ZFR2: variants seen among roughly 807,000 people sequenced by gnomAD.
ZFR2 encodes the protein zinc finger RNA-binding protein 2.
A neutral mutation model predicts 105.7 loss-of-function variants in ZFR2; 104 were observed. That is an observed-to-expected ratio of 0.98 (90% CI 0.84 to 1.16). The LOEUF (loss-of-function observed/expected upper bound fraction) is 1.16. ZFR2 is among the 50% of genes most tolerant of loss of function. ZFR2 has a pLI of 0.00. For missense variants in ZFR2, 1,425 were observed against 1,355.5 expected (o/e 1.05, Z -0.80); for synonymous variants, 634 against 597.7 (o/e 1.06, Z -0.89).
In ZFR2 at chr19:3,816,763, T is replaced by C. The variant is rs2037829109; in HGVS notation, c.2014A>G (p.Arg672Gly). The change falls in exon 13 of 19, where the codon AGG (arginine) becomes GGG (glycine). Residue 672 changes from arginine (R) to glycine (G), a missense_variant. By Grantham distance (125) the Arg-to-Gly change is moderately radical. Coordinates refer to ENST00000262961, the MANE Select transcript of ZFR2 (RefSeq NM_015174.2). ...CAGAGCAGAGCGAGGCGCACGTTCC[T>C]GTCCCCACGCAGGAGGAGGCCTTTC... ...LAKGLLLRGD[R>G]NVRLALLCSE... 1 of 1,611,476 alleles carries C rather than the reference T, an allele frequency of 6.2e-7. No homozygotes were observed. The highest frequency in any genetic ancestry group is 1.1e-5 in the South Asian group (1 of 90,670).
At position 3,810,769 on chromosome 19, in the gene ZFR2, C is replaced by A; in HGVS notation, c.2414G>T (p.Trp805Leu). The change falls in exon 16 of 19, where the codon TGG (tryptophan) becomes TTG (leucine). Residue 805 changes from tryptophan to leucine, a missense_variant. Physicochemically the swap from Trp to Leu is moderately conservative, Grantham distance 61. Transcript: ENST00000262961. Reference sequence around the variant, plus strand: ...CCTTACCCAGGCTGGCAGGGCCCCCCAGGTGGGCACACGCCGGCAGAGGTC... The same window carrying A: ...CCTTACCCAGGCTGGCAGGGCCCCCAAGGTGGGCACACGCCGGCAGAGGTC... ...LRDLCRRVPT[W>L]GALPAWAMEL... The A allele has an allele frequency of 6.5e-7, 1 of 1,549,940 alleles. No individual in the cohort carries two copies. Among genetic ancestry groups the A allele is most frequent in the Non-Finnish European group, 8.7e-7 (1 of 1,146,608 alleles).
intron 1 of ZFR2, among the ~76,000 whole-genome samples, chr19:3,860,843 G>C (rs2038365275): frequency 6.6e-6 from 1 of 152,034 alleles, no homozygotes. Flanking sequence ...TTAAGAAACG[G>C]AACGACCTGC....
intron 12 of ZFR2, among the ~76,000 whole-genome samples, chr19:3,818,003 G>A (rs952688558): frequency 8.5e-5 from 13 of 152,180 alleles, no homozygotes; most frequent in Non-Finnish European, 1.8e-4. Flanking sequence ...ATGGGTGCAC[G>A]AAACAAAAAG....
chr19:3,817,553 C>T (rs2037838114), intron 12 of ZFR2, among the ~76,000 whole-genome samples: 1 of 137,724 alleles, frequency 7.3e-6, no homozygotes, highest in Non-Finnish European at 1.5e-5. Context: ...AGCAAGACTC[C>T]ATCTCAAAAT....
At chr19:3,837,499 T>G (rs1239332516) in intron 1 of ZFR2, among the ~76,000 whole-genome samples, 1 of 150,024 alleles carries the variant, frequency 6.7e-6, no homozygotes, top group Non-Finnish European at 1.5e-5. Flanking sequence ...TGACACTCAA[T>G]GAACACCGTG....
intron 1 of ZFR2, among the ~76,000 whole-genome samples, chr19:3,842,177 T>A (rs974977904): frequency 6.6e-6 from 1 of 151,930 alleles, no homozygotes. Context: ...CATGCCTAGC[T>A]AATTTTTTTA....
intron 5 of ZFR2, among the ~76,000 whole-genome samples, chr19:3,830,480 C>CGGGGT (rs2038000214): frequency 6.6e-6 from 1 of 152,128 alleles, no homozygotes; most frequent in East Asian, 1.9e-4. Context: ...CAAAGAAGGC[C>CGGGGT]GGGGTCTCTC....
intron 5 of ZFR2, among the ~76,000 whole-genome samples, chr19:3,830,946 C>T (rs62132982): frequency 0.15 from 23,099 of 151,756 alleles, 2,086 homozygotes; most frequent in East Asian, 0.29. Flanking sequence ...GGCATACATG[C>T]GCACACATAC....
In ZFR2 at chr19:3,805,507, G is replaced by A. The variant is rs972890963; in HGVS notation, c.*442C>T. 4 of 156,364 alleles carry A rather than the reference G, an allele frequency of 2.6e-5. No individual in the cohort carries two copies. Among genetic ancestry groups the A allele is most frequent in the Non-Finnish European group, 4.2e-5 (3 of 70,754 alleles). 9.7% of individuals were successfully genotyped at this position (156,364 alleles called of 1,614,324 possible). ...TGGGACTACAGGTGCACACCACCAC[G>A]CCAGGCTAATTGTTGTGTTTTTTAC... On this transcript the variant is annotated 3_prime_UTR_variant, in exon 19 of 19. Coordinates refer to ENST00000262961, the MANE Select transcript of ZFR2 (RefSeq NM_015174.2).
rs774490788 is a variant in ZFR2 at position 3,810,740 on chromosome 19, A to T, written c.2433+10T>A. 3 of 1,547,242 alleles carry T rather than the reference A, an allele frequency of 1.9e-6. No individual in the cohort carries two copies. The highest frequency in any genetic ancestry group is 2.6e-6 in the Non-Finnish European group (3 of 1,145,138). On this transcript the variant is annotated intron_variant, in intron 16 of 18. Coordinates refer to ENST00000262961, the MANE Select transcript of ZFR2 (RefSeq NM_015174.2). ...CCAGTGGAGGGCCGGGCCGCCAGGC[A>T]CTGCCTTACCCAGGCTGGCAGGGCC...
chr19:3,816,672 A>G lies in ZFR2; in HGVS notation c.2103+2T>C, dbSNP rs893126906. On this transcript the variant is annotated splice_donor_variant, in intron 13 of 18. Transcript: ENST00000262961. LOFTEE classifies it high-confidence loss of function. ...CAGCGATGAGCAGGGCCCTGACCTT[A>G]CCTGGAGCTGCCGGGGCAGCTGCTG... 2 of 1,606,970 alleles carry G rather than the reference A, an allele frequency of 1.2e-6. No homozygotes were observed. The highest frequency in any genetic ancestry group is 8.5e-7 in the Non-Finnish European group (1 of 1,176,130).
chr19:3,848,413 G>A (rs576748086), intron 1 of ZFR2, among the ~76,000 whole-genome samples: 2 of 151,270 alleles, frequency 1.3e-5, no homozygotes, highest in African/African-American at 2.4e-5. Flanking sequence ...ACTCCATCTC[G>A]GAAAAAAGCT....
intron 1 of ZFR2, among the ~76,000 whole-genome samples, chr19:3,837,581 C>T (rs574248162): frequency 4.7e-5 from 7 of 149,804 alleles, no homozygotes; most frequent in East Asian, 2.0e-4. Context: ...CAATGAACAC[C>T]GTGACCATGA....
intron 9 of ZFR2, 81 bp from the exon 10 acceptor site, chr19:3,821,560 A>T: frequency 2.7e-6 from 3 of 1,124,536 alleles, no homozygotes; most frequent in Non-Finnish European, 3.6e-6. Context: ...GTGCAGGGAG[A>T]GGCCCAGAGA....
At chr19:3,861,356 G>A (rs778120836) in intron 1 of ZFR2, among the ~76,000 whole-genome samples, 4 of 152,196 alleles carry the variant, frequency 2.6e-5, no homozygotes, top group Non-Finnish European at 4.4e-5. Flanking sequence ...GCAGAGCGCG[G>A]TGGCTCACAT....
chr19:3,823,625 C>T lies in ZFR2; in HGVS notation c.1214-222G>A, dbSNP rs528986171. On this transcript the variant is annotated intron_variant, in intron 7 of 18. Coordinates refer to ENST00000262961, the MANE Select transcript of ZFR2 (RefSeq NM_015174.2). The surrounding 1 kb of genome is among the most constrained non-coding windows in gnomAD (Gnocchi z 5.4). ...AAACCGAGGCCAATTTCAATCCATC[C>T]GGGGAGAAGCCCTGGTTTTAGGCCC... 1.4e-4 allele frequency among the ~76,000 whole-genome samples: 21 copies of T among 152,232 alleles called. No individual in the cohort carries two copies. In the East Asian group the frequency reaches 2.1e-3, roughly 15 times the overall value.
Position 3,834,745 on chromosome 19 carries a change from A to C in ZFR2, c.264+28T>G. 6.2e-7 allele frequency: 1 copy of C among 1,607,592 alleles called. No homozygotes were observed. The highest frequency in any genetic ancestry group is 8.5e-7 in the Non-Finnish European group (1 of 1,178,374). Reference sequence around the variant, plus strand: ...TGCAAGGCGACCCACGTTTCCCGGCAACGCTGGTCAAAGAAAGGACTGGAT... The same window carrying C: ...TGCAAGGCGACCCACGTTTCCCGGCCACGCTGGTCAAAGAAAGGACTGGAT... On this transcript the variant is annotated intron_variant, in intron 2 of 18. Coordinates refer to ENST00000262961, the MANE Select transcript of ZFR2 (RefSeq NM_015174.2). The surrounding 1 kb of genome is among the most constrained non-coding windows in gnomAD (Gnocchi z 5.3).
At position 3,834,212 on chromosome 19, in the gene ZFR2, G is replaced by A. The variant is rs567797565; in HGVS notation, c.265-434C>T. Among the ~76,000 whole-genome samples, 1 of 152,284 alleles carries A rather than the reference G, an allele frequency of 6.6e-6. No individual in the cohort carries two copies. Among genetic ancestry groups the A allele is most frequent in the South Asian group, 2.1e-4 (1 of 4,818 alleles). Reference sequence around the variant, plus strand: ...CTGGGGACGAGGTGCGGGTGGCAGAGCTGGGAAATTGGAGCATGGTCACGG... The same window carrying A: ...CTGGGGACGAGGTGCGGGTGGCAGAACTGGGAAATTGGAGCATGGTCACGG... On this transcript the variant is annotated intron_variant, in intron 2 of 18. Coordinates refer to ENST00000262961, the MANE Select transcript of ZFR2 (RefSeq NM_015174.2). The surrounding 1 kb of genome is among the most constrained non-coding windows in gnomAD (Gnocchi z 5.3).
intron 1 of ZFR2, chr19:3,852,612 G>A (rs1373691866): frequency 5.6e-6 from 4 of 718,358 alleles, no homozygotes; most frequent in Admixed American, 4.0e-5. Flanking sequence ...CTCCACTTCT[G>A]GACTGGAAGA....
Sources: gnomAD v4.1 joint callset for allele counts (sites outside exome capture counted in the v4.1 genomes callset) on GRCh38, gnomAD v4.1.1 for gene constraint, Gnocchi (gnomAD v3.1) non-coding constraint, MANE v1.5 for transcripts, NCBI Gene and HGNC (gene_info 2026-07-23, HGNC 2026-07-21) for gene names.